The following GRXCR1 variants were observed in gnomAD, a reference collection of about 807,000 sequenced individuals.
The protein encoded by GRXCR1 is glutaredoxin domain-containing cysteine-rich protein 1.
GRXCR1 carries 27 observed loss-of-function variants against 27.3 expected under a neutral mutation model. The observed-to-expected ratio is 0.99, with a 90% confidence interval of 0.73 to 1.37. The LOEUF is 1.37. Among genes scored for constraint, GRXCR1 ranks in the 40% most tolerant of loss-of-function variants. The pLI, the probability that GRXCR1 is intolerant of heterozygous loss-of-function variation, is 0.00. For synonymous variants in GRXCR1, 122 were observed against 131.1 expected (o/e 0.93, Z 0.47); for missense variants, 379 against 354.4 (o/e 1.07, Z -0.56).
At chr4:42,929,471 G>C (rs1747250580) in intron 1 of GRXCR1, among the ~76,000 whole-genome samples, 1 of 151,996 alleles carries the variant, frequency 6.6e-6, no homozygotes, top group African/African-American at 2.4e-5. Context: ...CAGAGATGAA[G>C]CAGAAGAGGA....
At chr4:42,915,120 C>T (rs1195051229) in intron 1 of GRXCR1, among the ~76,000 whole-genome samples, 1 of 152,104 alleles carries the variant, frequency 6.6e-6, no homozygotes, top group Non-Finnish European at 1.5e-5. Flanking sequence ...AGAAACAAAC[C>T]TGTAGTCTCA....
chr4:42,902,599 T>C (rs1441619532), intron 1 of GRXCR1, among the ~76,000 whole-genome samples: 2 of 152,162 alleles, frequency 1.3e-5, no homozygotes, highest in African/African-American at 2.4e-5. Context: ...TACGTGTGCA[T>C]GTATCTTTGT....
At chr4:42,918,738 C>G (rs1746941285) in intron 1 of GRXCR1, among the ~76,000 whole-genome samples, 1 of 152,086 alleles carries the variant, frequency 6.6e-6, no homozygotes, top group Admixed American at 6.6e-5. Context: ...ACTATGCTCC[C>G]TTTTTGACAT....
intron 1 of GRXCR1, among the ~76,000 whole-genome samples, chr4:42,912,104 T>C (rs1319240117): frequency 1.3e-5 from 2 of 152,128 alleles, no homozygotes; most frequent in Non-Finnish European, 2.9e-5. Context: ...TTGTCAATTG[T>C]CCAGGTATAG....
chr4:42,995,583 G>T (rs920751321), intron 2 of GRXCR1, among the ~76,000 whole-genome samples: 18 of 152,214 alleles, frequency 1.2e-4, no homozygotes, highest in Admixed American at 1.2e-3. Flanking sequence ...ACAGTCCTAT[G>T]CACAAAGCTA....
At chr4:42,912,970 T>C (rs996814759) in intron 1 of GRXCR1, among the ~76,000 whole-genome samples, 1 of 151,820 alleles carries the variant, frequency 6.6e-6, no homozygotes, top group Admixed American at 6.6e-5. Context: ...TGAAGAGGGG[T>C]TTCCCTTTTC....
At chr4:42,913,336 T>C (rs761254883) in intron 1 of GRXCR1, among the ~76,000 whole-genome samples, 21 of 152,132 alleles carry the variant, frequency 1.4e-4, no homozygotes, top group Non-Finnish European at 2.6e-4. Context: ...AAAATGCTGA[T>C]AGTGAGATTG....
intron 2 of GRXCR1, among the ~76,000 whole-genome samples, chr4:43,011,015 G>C (rs1306659224): frequency 1.3e-5 from 2 of 152,104 alleles, no homozygotes; most frequent in Non-Finnish European, 2.9e-5. Context: ...GATTTCATGT[G>C]GCTGAGCCCA....
chr4:42,900,448 G>A lies in GRXCR1; in HGVS notation c.384+6798G>A, dbSNP rs540490922. On this transcript the variant is annotated intron_variant, in intron 1 of 3. Coordinates refer to ENST00000399770, the MANE Select transcript of GRXCR1 (RefSeq NM_001080476.3). ...ATAGCAAATAAAGTAAATAATAGGA[G>A]TATTCCCTTTTTTTGATTCTTAAAT... Among the ~76,000 whole-genome samples, 17 of 152,222 alleles carry A rather than the reference G, an allele frequency of 1.1e-4. No individual in the cohort carries two copies. In the South Asian group the frequency reaches 2.7e-3, roughly 24 times the overall value.
rs1353654762 is a variant in GRXCR1, at chr4:42,939,049, CA to C, written c.385-23842del. Among the ~76,000 whole-genome samples the C allele has an allele frequency of 2.0e-5, 3 of 152,110 alleles. No homozygotes were observed. The East Asian group carries it at 5.8e-4, about 29-fold the overall frequency. On this transcript the variant is annotated intron_variant, in intron 1 of 3. Coordinates refer to ENST00000399770, the MANE Select transcript of GRXCR1 (RefSeq NM_001080476.3). ...CTTTTTCTACTTCTGTAAAGAATGT[CA>C]TCAGTATTTTGATAGGCATTGCACT...
rs577141658 is a variant in GRXCR1 at position 42,930,584 on chromosome 4, T to G, written c.385-32308T>G. Among the ~76,000 whole-genome samples, 7 of 152,126 alleles carry G rather than the reference T, an allele frequency of 4.6e-5. No individual in the cohort carries two copies. In the East Asian group the frequency reaches 9.7e-4, roughly 21 times the overall value. On this transcript the variant is annotated intron_variant, in intron 1 of 3. Transcript: ENST00000399770. ...ACTCCCATTGATTGATTATTGAGACTAATGGCTAAAATAGAGACTCTTTTT... is the reference window on the plus strand; with the variant it reads ...ACTCCCATTGATTGATTATTGAGACGAATGGCTAAAATAGAGACTCTTTTT...
intron 2 of GRXCR1, among the ~76,000 whole-genome samples, chr4:43,017,606 G>A (rs548994464): frequency 1.5e-4 from 23 of 152,182 alleles, no homozygotes; most frequent in Admixed American, 1.2e-3. Flanking sequence ...AGAAAAAATC[G>A]ATTCTGAACC....
Position 42,928,387 on chromosome 4 carries a change from TA to T in GRXCR1, c.385-34504del, listed in dbSNP as rs1403302409. 1.0e-3 allele frequency among the ~76,000 whole-genome samples: 154 copies of T among 152,092 alleles called. 2 individuals are homozygous for T. The highest frequency in any genetic ancestry group is 3.5e-3 in the African/African-American group (147 of 41,538). ...AGGATGTTCAGGAAGCTTGGTTCCT[TA>T]TGTCTCTCCATTTCCTCTTGAGAGA... is the stretch of plus-strand genomic sequence containing the variant. On this transcript the variant is annotated intron_variant, in intron 1 of 3. Coordinates refer to ENST00000399770, the MANE Select transcript of GRXCR1 (RefSeq NM_001080476.3).
intron 2 of GRXCR1, among the ~76,000 whole-genome samples, chr4:43,015,632 T>C (rs1453495675): frequency 6.6e-6 from 1 of 152,054 alleles, no homozygotes; most frequent in Non-Finnish European, 1.5e-5. Context: ...TAGCTACCAT[T>C]TTGAGATTTA....
At chr4:43,009,018 A>G (rs1191459326) in intron 2 of GRXCR1, among the ~76,000 whole-genome samples, 1 of 152,210 alleles carries the variant, frequency 6.6e-6, no homozygotes, top group East Asian at 1.9e-4. Flanking sequence ...CTATCCATGG[A>G]AATATCAAAG....
chr4:42,962,899 C>G lies in GRXCR1; in HGVS notation c.392C>G (p.Ser131Ter), dbSNP rs1439734830. Reference protein sequence around the residue: ...NNLTKVLQQPSTDLEFDRVVI... With the variant: ...NNLTKVLQQP ...TCAATGTTTTCCCTTCAGCAACCATCAACTGATCTAGAATTTGACCGTGTA... is the reference window on the plus strand; with the variant it reads ...TCAATGTTTTCCCTTCAGCAACCATGAACTGATCTAGAATTTGACCGTGTA... The change falls in exon 2 of 4, where the codon TCA becomes TGA. Residue 131 changes from serine to a stop codon, truncating the protein, a stop_gained. Coordinates refer to ENST00000399770, the MANE Select transcript of GRXCR1 (RefSeq NM_001080476.3). LOFTEE classifies it high-confidence loss of function. 2 of 1,612,536 alleles carry G rather than the reference C, an allele frequency of 1.2e-6. No homozygotes were observed. Among genetic ancestry groups the G allele is most frequent in the Admixed American group, 1.7e-5 (1 of 59,872 alleles).
Position 42,893,612 on chromosome 4 carries a change from G to T in GRXCR1, c.346G>T (p.Gly116Cys). The T allele has an allele frequency of 1.2e-6, 2 of 1,613,526 alleles. No homozygotes were observed. The highest frequency in any genetic ancestry group is 1.7e-6 in the Non-Finnish European group (2 of 1,179,690). The change falls in exon 1 of 4, where the codon GGC becomes TGC. Residue 116 changes from glycine to cysteine, a missense_variant. Physicochemically the swap from Gly to Cys is radical, Grantham distance 159 (BLOSUM62 -3). Transcript: ENST00000399770. ...AGGCGTCAAATACAAAGTGAGTGCTGGCCAGGCTCTATTTAACAATTTGAC... is the reference window on the plus strand; with the variant it reads ...AGGCGTCAAATACAAAGTGAGTGCTTGCCAGGCTCTATTTAACAATTTGAC... ...VRGVKYKVSAGQALFNNLTKV... is the reference protein window; with the variant it reads ...VRGVKYKVSACQALFNNLTKV...
At chr4:42,950,216 C>T (rs893421852) in intron 1 of GRXCR1, among the ~76,000 whole-genome samples, 2 of 152,080 alleles carry the variant, frequency 1.3e-5, no homozygotes, top group African/African-American at 4.8e-5. Flanking sequence ...ATGGTTAATG[C>T]GGGGCTCTCT....
intron 1 of GRXCR1, among the ~76,000 whole-genome samples, chr4:42,940,873 T>A (rs1313631213): frequency 6.6e-6 from 1 of 152,056 alleles, no homozygotes; most frequent in Non-Finnish European, 1.5e-5. Flanking sequence ...TTTAGTGGAA[T>A]AGAACATTAA....
Sources: gnomAD v4.1 joint callset for allele counts (sites outside exome capture counted in the v4.1 genomes callset) on GRCh38, gnomAD v4.1.1 for gene constraint, MANE v1.5 for transcripts, NCBI Gene and HGNC (gene_info 2026-07-23, HGNC 2026-07-21) for gene names.